Variants in HERC2 observed in about 807,000 individuals in gnomAD.
HERC2 encodes the protein HECT and RLD domain containing E3 ubiquitin protein ligase 2, also known as E3 ubiquitin-protein ligase HERC2.
HERC2 carries 102 observed loss-of-function variants against 537.7 expected under a neutral mutation model. The ratio of observed to expected loss-of-function variants is 0.19; its 90% CI spans 0.16 to 0.22. HERC2 has a LOEUF of 0.22. Ranked by LOEUF, HERC2 falls within the 10% of genes least tolerant of loss-of-function variation. The probability of loss-of-function intolerance (pLI) is 1.00; values close to 1 mark genes in which losing one functional copy is unlikely to be tolerated. For missense variants in HERC2, 4,236 were observed against 6,198.2 expected, an observed-to-expected ratio of 0.68 and a Z score of 10.63; for synonymous variants, 2,224 against 2,466.2, an observed-to-expected ratio of 0.90 and a Z score of 2.91.
intron 76 of HERC2, 118 bp downstream of exon 76, chr15:28,142,120 C>T: frequency 9.0e-7 from 1 of 1,108,680 alleles, no homozygotes; most frequent in Non-Finnish European, 1.3e-6. Flanking sequence ...GTGTTATTTT[C>T]TTTGATATTC....
chr15:28,274,211 C>T, intron 7 of HERC2, 80 bp downstream of exon 7: 1 of 1,477,554 alleles, frequency 6.8e-7, no homozygotes. Flanking sequence ...GGCTTCTTAG[C>T]TCTAAAGCAA....
intron 78 of HERC2, among the ~76,000 whole-genome samples, chr15:28,140,535 G>A (rs1375917857): frequency 6.6e-6 from 1 of 151,636 alleles, no homozygotes; most frequent in African/African-American, 2.4e-5. Flanking sequence ...CTTTTTTTGG[G>A]GGCGGAGACA....
chr15:28,260,383 A>G (rs1188422442), intron 16 of HERC2, among the ~76,000 whole-genome samples: 1 of 152,202 alleles, frequency 6.6e-6, no homozygotes. Flanking sequence ...ATAATAAGGC[A>G]TCTACATAAA....
Position 28,274,897 on chromosome 15 carries a change from G to A in HERC2, c.643+8C>T, listed in dbSNP as rs375308006. ...AAGCAGAACAACGCGCCACACCAGG[G>A]ACCGTACCTGATCGCCAGGCCCTGC... On this transcript the variant is annotated splice_region_variant and intron_variant, in intron 6 of 92. Transcript: ENST00000261609. The A allele has an allele frequency of 2.7e-4, 437 of 1,606,026 alleles. No homozygotes were observed. Among genetic ancestry groups the A allele is most frequent in the Non-Finnish European group, 2.6e-4 (310 of 1,174,948 alleles).
Position 28,152,726 on chromosome 15 carries a change from G to A in HERC2, c.10851C>T (p.Ser3617=). ...TGGAGGTGTCGTCGGTGTAAGGGTG[G>A]CTACTCTCCACCACCACAGGCTGAG... is the stretch of plus-strand genomic sequence containing the variant. ...LSSQPVVVES[S]HPYTDDTSTS... The change falls in exon 70 of 93, where the codon AGC becomes AGT. Residue 3617 remains serine (S), a synonymous_variant. Coordinates refer to ENST00000261609, the MANE Select transcript of HERC2 (RefSeq NM_004667.6). 6.4e-7 allele frequency: 1 copy of A among 1,551,926 alleles called. No individual in the cohort carries two copies. Among genetic ancestry groups the A allele is most frequent in the South Asian group, 1.2e-5 (1 of 84,056 alleles).
rs145357309 is a variant in HERC2, at chr15:28,299,433, T to G, written c.156A>C (p.Ser52=). The change falls in exon 3 of 93, where the codon TCA becomes TCC. Residue 52 remains serine, a synonymous_variant. Transcript: ENST00000261609. The part of the protein sequence containing the change: ...DGEIVYTGTE[S]TQNGELPPRK... ...TAGGAGGGAGCTCTCCGTTCTGGGT[T>G]GATTCTGTTCCAGTGTATACAATTT... The G allele has an allele frequency of 6.4e-5, 102 of 1,593,704 alleles. 1 individual carries two copies. In the African/African-American group the frequency reaches 1.2e-3, roughly 19 times the overall value.
chr15:28,118,669 T>A (rs1888544739), intron 86 of HERC2, among the ~76,000 whole-genome samples: 1 of 152,146 alleles, frequency 6.6e-6, no homozygotes, highest in South Asian at 2.1e-4. Flanking sequence ...TTGGGAGGCG[T>A]GTCCCTGAGC....
At chr15:28,168,008 A>G (rs1459654017) in intron 67 of HERC2, among the ~76,000 whole-genome samples, 181 bp from the exon 68 acceptor site, 1 of 152,236 alleles carries the variant, frequency 6.6e-6, no homozygotes, top group Non-Finnish European at 1.5e-5. Flanking sequence ...AGTCAGGCCT[A>G]GGACAGTTTT....
In HERC2 at chr15:28,135,707, A is replaced by G. The variant is rs1418852821; in HGVS notation, c.12016-15T>C. ...GTGGCATACAGCTAAGAAAAGAAAAAGCAATAGTAACATCAGTTTTTAATC... is the reference window on the plus strand; with the variant it reads ...GTGGCATACAGCTAAGAAAAGAAAAGGCAATAGTAACATCAGTTTTTAATC... On this transcript the variant is annotated splice_polypyrimidine_tract_variant and intron_variant, in intron 78 of 92. Coordinates refer to ENST00000261609, the MANE Select transcript of HERC2 (RefSeq NM_004667.6). The G allele has an allele frequency of 2.5e-6, 4 of 1,593,118 alleles. No individual in the cohort carries two copies. The highest frequency in any genetic ancestry group is 3.4e-6 in the Non-Finnish European group (4 of 1,162,142).
chr15:28,267,663 C>A (rs1166557701), intron 12 of HERC2, among the ~76,000 whole-genome samples: 1 of 152,268 alleles, frequency 6.6e-6, no homozygotes, highest in African/African-American at 2.4e-5. Flanking sequence ...ATACGCATTA[C>A]TCTGCTTTTC....
At chr15:28,307,718 T>G (rs2076829914) in intron 2 of HERC2, among the ~76,000 whole-genome samples, 1 of 152,222 alleles carries the variant, frequency 6.6e-6, no homozygotes, top group South Asian at 2.1e-4. Context: ...TTAACATAAT[T>G]TTTTTAACTT....
At chr15:28,244,044 C>A (rs995779661) in intron 23 of HERC2, among the ~76,000 whole-genome samples, 1 of 152,056 alleles carries the variant, frequency 6.6e-6, no homozygotes, top group Non-Finnish European at 1.5e-5. Flanking sequence ...GGCATGGTGG[C>A]GCATGCTTGC....
At position 28,159,330 on chromosome 15, in the gene HERC2, G is replaced by A. The variant is rs537879815; in HGVS notation, c.10746+3764C>T. On this transcript the variant is annotated intron_variant, in intron 69 of 92. Transcript: ENST00000261609. ...TCTCCTGGATAATATCCTGCAGAGT[G>A]TTTTCCAACTTGGTTCCATTCTCCC... is the stretch of plus-strand genomic sequence containing the variant. 4.4e-3 allele frequency among the ~76,000 whole-genome samples: 668 copies of A among 152,300 alleles called. 3 individuals are homozygous for A. Among genetic ancestry groups the A allele is most frequent in the African/African-American group, 0.015 (627 of 41,576 alleles).
chr15:28,155,153 T>TC (rs1566950985), intron 69 of HERC2, among the ~76,000 whole-genome samples: 2 of 152,116 alleles, frequency 1.3e-5, no homozygotes, highest in Non-Finnish European at 2.9e-5. Flanking sequence ...ATTTTCTTAA[T>TC]CCAGTCTATC....
intron 56 of HERC2, among the ~76,000 whole-genome samples, chr15:28,184,513 T>C (rs778193637): frequency 3.3e-5 from 5 of 152,156 alleles, no homozygotes; most frequent in Non-Finnish European, 7.3e-5. Context: ...AAAAATCTGA[T>C]CAATGAGTAA....
rs61756154 is a variant in HERC2 at position 28,177,481 on chromosome 15, G to C, written c.9192C>G (p.Val3064=). 4 of 1,614,160 alleles carry C rather than the reference G, an allele frequency of 2.5e-6. No individual in the cohort carries two copies. The highest frequency in any genetic ancestry group is 3.4e-6 in the Non-Finnish European group (4 of 1,180,042). Residue 3064 remains valine (V), a synonymous_variant, in exon 60 of 93, where the codon GTC becomes GTG. Transcript: ENST00000261609. The surrounding 1 kb of genome is among the most constrained non-coding windows in gnomAD (Gnocchi z 5.0). ...CGCCCCACGAAAACACTTTTCCATC[G>C]ACAGTTAAAGCCGTCGCGTGCCGGC... is the stretch of plus-strand genomic sequence containing the variant. ...SGGRHATALT[V]DGKVFSWGEG...
intron 47 of HERC2, 22 bp downstream of exon 47, chr15:28,202,091 C>T (rs775783462): frequency 6.7e-6 from 9 of 1,339,870 alleles, no homozygotes; most frequent in Admixed American, 1.8e-5. Flanking sequence ...CAGGTGCGGG[C>T]GGTCACATGG....
At chr15:28,225,520 AC>A (rs1901038997) in intron 35 of HERC2, among the ~76,000 whole-genome samples, 1 of 151,884 alleles carries the variant, frequency 6.6e-6, no homozygotes, top group Admixed American at 6.6e-5. Flanking sequence ...ACACGGTGAA[AC>A]CCCGTCTCCA....
intron 37 of HERC2, 60 bp from the exon 38 acceptor site, chr15:28,218,731 G>T: frequency 1.5e-6 from 2 of 1,364,500 alleles, no homozygotes; most frequent in Non-Finnish European, 2.1e-6. Flanking sequence ...AGATAGTCCT[G>T]CATATAATTC....
Sources: gnomAD v4.1 joint callset for allele counts (sites outside exome capture counted in the v4.1 genomes callset) on GRCh38, gnomAD v4.1.1 for gene constraint, Gnocchi (gnomAD v3.1) non-coding constraint, MANE v1.5 for transcripts, NCBI Gene and HGNC (gene_info 2026-07-23, HGNC 2026-07-21) for gene names.